TBC1D7: variants seen among roughly 807,000 people sequenced by gnomAD.
TBC1D7 encodes TBC1 domain family member 7, also known as TBC domain family 7.
TBC1D7 carries 33 observed loss-of-function variants against 35.3 expected under a neutral mutation model. The ratio of observed to expected loss-of-function variants is 0.93; its 90% confidence interval spans 0.71 to 1.25. TBC1D7 has a LOEUF of 1.25. TBC1D7 is among the 50% of genes most tolerant of loss of function. The probability of loss-of-function intolerance (pLI) is 0.00; values close to 1 mark genes in which losing one functional copy is unlikely to be tolerated. For synonymous variants in TBC1D7, 135 were observed against 129.5 expected, an observed-to-expected ratio of 1.04 and a Z score of -0.29; for missense variants, 362 against 365.3, an observed-to-expected ratio of 0.99 and a Z score of 0.07.
At chr6:13,327,924 C>G (rs984228624) in intron 1 of TBC1D7, 1 of 152,152 alleles carries the variant, frequency 6.6e-6, no homozygotes, top group Non-Finnish European at 1.5e-5. Context: ...GGCTTCCTTC[C>G]TTATTGAAAA....
intron 1 of TBC1D7, 125 bp from the exon 2 acceptor site, chr6:13,327,031 C>CCCTTA: frequency 1.8e-6 from 1 of 567,314 alleles, no homozygotes; most frequent in Non-Finnish European, 3.1e-6. Flanking sequence ...ATATGATGTA[C>CCCTTA]CCTTGCATAG....
chr6:13,327,921 T>A (rs1382053327), intron 1 of TBC1D7: 1 of 152,212 alleles, frequency 6.6e-6, no homozygotes, highest in Non-Finnish European at 1.5e-5. Flanking sequence ...GAGGGCTTCC[T>A]TCCTTATTGA....
In TBC1D7 at chr6:13,323,268, G is replaced by A. The variant is rs137928345; in HGVS notation, c.193+1826C>T. On this transcript the variant is annotated intron_variant, in intron 3 of 7. Transcript: ENST00000379300. ...CTCGGGAGACTGAGGCAGGAGAATC[G>A]CCTGAACCCGGGAGGCAGAGGTTGC... 7.5e-4 allele frequency among the ~76,000 whole-genome samples: 114 copies of A among 152,180 alleles called. 1 individual carries two copies. The highest frequency in any genetic ancestry group is 2.2e-3 in the African/African-American group (93 of 41,496).
At position 13,320,927 on chromosome 6, in the gene TBC1D7, C is replaced by A; in HGVS notation, c.362G>T (p.Arg121Leu). ...ACTAACCAGTGGAAAAGAGGGACTT[C>A]GAGGTAACTTCCCAGACTCCAGCTG... Reference protein sequence around the residue: ...MYQLESGKLPRSPSFPLEPDD... With the variant: ...MYQLESGKLPLSPSFPLEPDD... Residue 121 changes from arginine (R) to leucine (L), a missense_variant, in exon 4 of 8, where the codon CGA becomes CTA. Transcript: ENST00000379300. 1 of 1,614,124 alleles carries A rather than the reference C, an allele frequency of 6.2e-7. No individual in the cohort carries two copies. Among genetic ancestry groups the A allele is most frequent in the Non-Finnish European group, 8.5e-7 (1 of 1,180,032 alleles).
intron 5 of TBC1D7, among the ~76,000 whole-genome samples, chr6:13,308,934 T>G (rs1182294454): frequency 6.6e-6 from 1 of 152,216 alleles, no homozygotes; most frequent in Non-Finnish European, 1.5e-5. Context: ...TAACCTGGGC[T>G]GTAGGAGGCA....
At chr6:13,312,935 A>G (rs534846563) in intron 5 of TBC1D7, among the ~76,000 whole-genome samples, 7 of 152,222 alleles carry the variant, frequency 4.6e-5, no homozygotes, top group Admixed American at 2.0e-4. Flanking sequence ...TCAACCAACC[A>G]TGGGCCAAAA....
intron 7 of TBC1D7, 68 bp downstream of exon 7, chr6:13,306,330 A>G: frequency 6.9e-7 from 1 of 1,457,880 alleles, no homozygotes; most frequent in Non-Finnish European, 9.2e-7. Context: ...AATCTAATGT[A>G]ACAGGAAAAT....
At chr6:13,312,552 G>A (rs369272231) in intron 5 of TBC1D7, among the ~76,000 whole-genome samples, 31 of 151,898 alleles carry the variant, frequency 2.0e-4, no homozygotes, top group African/African-American at 7.5e-4. Context: ...GCCAGGCATG[G>A]TGCCACACTC....
chr6:13,322,745 C>T (rs981818765), intron 3 of TBC1D7, among the ~76,000 whole-genome samples: 6 of 152,176 alleles, frequency 3.9e-5, no homozygotes, highest in Non-Finnish European at 4.4e-5. Flanking sequence ...AGACTGTGTG[C>T]CAGGCTTCCA....
chr6:13,318,599 T>G (rs1783805196), intron 4 of TBC1D7: 1 of 152,212 alleles, frequency 6.6e-6, no homozygotes, highest in Non-Finnish European at 1.5e-5. Flanking sequence ...CTTTATTAGC[T>G]CTAAGGTTTG....
Position 13,305,023 on chromosome 6 carries a change from T to C in TBC1D7, c.*78A>G. ...AAAGCAAGAAAAGTGTATTATTCAA[T>C]CAGTTTCCCAGATCACATGCCAAGA... On this transcript the variant is annotated 3_prime_UTR_variant, in exon 8 of 8. Transcript: ENST00000379300. 1 of 1,204,846 alleles carries C rather than the reference T, an allele frequency of 8.3e-7. No individual in the cohort carries two copies. The highest frequency in any genetic ancestry group is 2.5e-5 in the Admixed American group (1 of 40,314). 74.6% of individuals were successfully genotyped at this position (1,204,846 alleles called of 1,614,324 possible). A position where few individuals can be genotyped will look rare whatever the true frequency, so the allele number is the denominator to read the frequency against.
In TBC1D7 at chr6:13,307,592, C is replaced by T. The variant is rs2439537; in HGVS notation, c.665+8G>A. The T allele has an allele frequency of 0.28, 456,298 of 1,613,070 alleles. 68,262 individuals carry two copies. The highest frequency in any genetic ancestry group is 0.49 in the Admixed American group (29,340 of 59,956). On this transcript the variant is annotated splice_region_variant and intron_variant, in intron 6 of 7. Coordinates refer to ENST00000379300, the MANE Select transcript of TBC1D7 (RefSeq NM_016495.6). ...AGCCTTCAATATGTCTTCGAAAGACCTACTTGCCTCTGTAAACTGGATTCA... is the reference window on the plus strand; with the variant it reads ...AGCCTTCAATATGTCTTCGAAAGACTTACTTGCCTCTGTAAACTGGATTCA...
At chr6:13,327,056 T>A in intron 1 of TBC1D7, 150 bp from the exon 2 acceptor site, 1 of 510,474 alleles carries the variant, frequency 2.0e-6, no homozygotes, top group Non-Finnish European at 3.4e-6. Context: ...CAATATTAAA[T>A]TTTTCCTTTA....
At chr6:13,305,581 T>G in intron 7 of TBC1D7, 1 of 227,854 alleles carries the variant, frequency 4.4e-6, no homozygotes, top group South Asian at 5.3e-5. Context: ...TGATTATTCA[T>G]TTATTCAACG....
At chr6:13,323,787 ATAC>A (rs1254969295) in intron 3 of TBC1D7, 14 of 152,234 alleles carry the variant, frequency 9.2e-5, no homozygotes, top group Admixed American at 2.6e-4. Flanking sequence ...CCCTGAAAAG[ATAC>A]TACATTTTGG....
rs752574687 is a variant in TBC1D7 at position 13,320,733 on chromosome 6, A to C, written c.381+175T>G. On this transcript the variant is annotated intron_variant, in intron 4 of 7. Transcript: ENST00000379300. ...GTATTTTAAAAAAACAAAAAGTAAG[A>C]AGGTTGGGTCAGAATGTGCATGGCC... 4.2e-6 allele frequency: 3 copies of C among 717,078 alleles called. No homozygotes were observed. The Admixed American group carries it at 6.5e-5, about 16-fold the overall frequency. 44.4% of individuals were successfully genotyped at this position (717,078 alleles called of 1,614,324 possible).
At chr6:13,306,621 C>CAT in intron 6 of TBC1D7, 94 bp from the exon 7 acceptor site, 1 of 1,031,168 alleles carries the variant, frequency 9.7e-7, no homozygotes, top group East Asian at 2.8e-5. Flanking sequence ...CAAATTGCTC[C>CAT]AATTTTATGT....
At position 13,307,699 on chromosome 6, in the gene TBC1D7, A is replaced by C. The variant is rs756957333; in HGVS notation, c.566T>G (p.Leu189Arg). 1 of 1,614,164 alleles carries C rather than the reference A, an allele frequency of 6.2e-7. No individual in the cohort carries two copies. Among genetic ancestry groups the C allele is most frequent in the East Asian group, 2.2e-5 (1 of 44,888 alleles). Residue 189 changes from leucine (L) to arginine (R), a missense_variant, in exon 6 of 8, where the codon CTG becomes CGG. By Grantham distance (102) the Leu-to-Arg change is moderately radical. Transcript: ENST00000379300. ...QYLNLEDGRL[L>R]THLRMCSAAP... Reference sequence around the variant, plus strand: ...CGCGGAACACATCCTCAGATGAGTCAGCAGTCTGCCATCTTCCAGATTCAA... The same window carrying C: ...CGCGGAACACATCCTCAGATGAGTCCGCAGTCTGCCATCTTCCAGATTCAA...
In TBC1D7 at chr6:13,325,183, A is replaced by C; in HGVS notation, c.113-9T>G. 1 of 1,599,712 alleles carries C rather than the reference A, an allele frequency of 6.3e-7. No individual in the cohort carries two copies. The highest frequency in any genetic ancestry group is 8.6e-7 in the Non-Finnish European group (1 of 1,168,150). On this transcript the variant is annotated splice_polypyrimidine_tract_variant and intron_variant, in intron 2 of 7. Transcript: ENST00000379300. ...ACAAAGTTTCTCAGTATCTAGAGGA[A>C]GAAGAAAACAATTGTTAGAAGCTTT...
Sources: allele counts gnomAD v4.1 joint callset (sites outside exome capture counted in the v4.1 genomes callset), GRCh38; gene constraint gnomAD v4.1.1; transcripts MANE v1.5; gene names NCBI Gene and HGNC (gene_info 2026-07-23, HGNC 2026-07-21).